GRB10: variants seen among roughly 807,000 people sequenced by gnomAD.
The protein encoded by GRB10 is growth factor receptor bound protein 10, also known as growth factor receptor-bound protein 10.
In GRB10, 20 loss-of-function variants were observed where a neutral mutation model predicts 80.9. That is an observed-to-expected ratio of 0.25 (90% CI 0.17 to 0.36). GRB10 has a LOEUF of 0.36. Among genes scored for constraint, GRB10 ranks in the 10% least tolerant of loss-of-function variants. The probability of loss-of-function intolerance (pLI) is 1.00; values close to 1 mark genes in which losing one functional copy is unlikely to be tolerated. For synonymous variants in GRB10, 291 were observed against 291.5 expected, an observed-to-expected ratio of 1.00 and a Z score of 0.02; for missense variants, 548 against 747.7, an observed-to-expected ratio of 0.73 and a Z score of 3.12.
At chr7:50,637,796 C>T (rs1009006876) in intron 7 of GRB10, among the ~76,000 whole-genome samples, 1 of 150,418 alleles carries the variant, frequency 6.6e-6, no homozygotes, top group Non-Finnish European at 1.5e-5. Context: ...TATTACCTGA[C>T]TTCAAATTAC....
At chr7:50,728,878 C>A (rs2069123646) in intron 4 of GRB10, among the ~76,000 whole-genome samples, 2 of 152,162 alleles carry the variant, frequency 1.3e-5, no homozygotes, top group African/African-American at 4.8e-5. Flanking sequence ...CCCATGTTGG[C>A]CAAGCTGGTC....
At chr7:50,748,770 A>G (rs1435226311) in intron 3 of GRB10, among the ~76,000 whole-genome samples, 6 of 152,248 alleles carry the variant, frequency 3.9e-5, no homozygotes, top group Admixed American at 3.9e-4. Flanking sequence ...GTAAAGGGCA[A>G]TGATATCCAT....
intron 4 of GRB10, chr7:50,711,015 C>T: frequency 3.4e-6 from 3 of 885,940 alleles, no homozygotes; most frequent in East Asian, 2.4e-5. Flanking sequence ...AGAAGGCACA[C>T]TTAATAACTC....
At chr7:50,742,647 C>A (rs555666536) in intron 3 of GRB10, among the ~76,000 whole-genome samples, 1 of 151,238 alleles carries the variant, frequency 6.6e-6, no homozygotes, top group Non-Finnish European at 1.5e-5. Flanking sequence ...TACTGGACTG[C>A]ATATTACATC....
At chr7:50,676,335 C>CGG (rs3040026) in intron 5 of GRB10, among the ~76,000 whole-genome samples, 51 of 93,200 alleles carry the variant, frequency 5.5e-4, no homozygotes, top group African/African-American at 1.3e-3. Flanking sequence ...TCCACCCCAC[C>CGG]GGGGGGGGGG....
chr7:50,639,494 T>C lies in GRB10; in HGVS notation c.505-12516A>G, dbSNP rs552381071. On this transcript the variant is annotated intron_variant, in intron 7 of 18. Coordinates refer to ENST00000401949, the MANE Select transcript of GRB10 (RefSeq NM_001350814.2). ...ATCGAGATCATCCTGGCTAACACGG[T>C]GAAACCGTCTCTACTAAAAATACAA... is the stretch of plus-strand genomic sequence containing the variant. Among the ~76,000 whole-genome samples the C allele has an allele frequency of 3.9e-3, 515 of 132,516 alleles. 4 individuals are homozygous for C. The highest frequency in any genetic ancestry group is 0.015 in the South Asian group (63 of 4,260). 86.9% of individuals were successfully genotyped at this position (132,516 alleles called of 152,430 possible).
intron 3 of GRB10, among the ~76,000 whole-genome samples, chr7:50,746,761 C>G (rs1232403148): frequency 6.6e-6 from 1 of 152,144 alleles, no homozygotes; most frequent in Non-Finnish European, 1.5e-5. Flanking sequence ...CATATCACTT[C>G]AGGGCCTGCA....
chr7:50,674,739 G>C lies in GRB10; in HGVS notation c.140-81C>G. On this transcript the variant is annotated intron_variant, in intron 5 of 18. Transcript: ENST00000401949. ...ACCCAAATGTACATCTTGGTGATCAGGTTCCAAACCTCAATCCTATTTTTC... is the reference window on the plus strand; with the variant it reads ...ACCCAAATGTACATCTTGGTGATCACGTTCCAAACCTCAATCCTATTTTTC... 4.2e-6 allele frequency: 5 copies of C among 1,189,072 alleles called. No homozygotes were observed. In the South Asian group the frequency reaches 5.0e-5, roughly 12 times the overall value. The allele number at this position is 1,189,072 out of a possible 1,614,324, so 73.7% of individuals were successfully genotyped here.
In GRB10 at chr7:50,603,542, A is replaced by C. The variant is rs2047986419; in HGVS notation, c.1544+456T>G. 2.6e-5 allele frequency among the ~76,000 whole-genome samples: 4 copies of C among 152,228 alleles called. No individual in the cohort carries two copies. In the South Asian group the frequency reaches 8.3e-4, roughly 32 times the overall value. ...ATCCTGGACTGTCCAGCCCCAGCCAAGCTGGCCCAGGTGAGAAAGGCCACT... is the reference window on the plus strand; with the variant it reads ...ATCCTGGACTGTCCAGCCCCAGCCACGCTGGCCCAGGTGAGAAAGGCCACT... On this transcript the variant is annotated intron_variant, in intron 17 of 18. Transcript: ENST00000401949.
At chr7:50,605,440 G>A in intron 14 of GRB10, 34 bp from the exon 15 acceptor site, 1 of 1,522,670 alleles carries the variant, frequency 6.6e-7, no homozygotes, top group Non-Finnish European at 9.1e-7. Context: ...TTAAAATGCA[G>A]GGAAATAAGG....
At chr7:50,636,269 A>G (rs952989870) in intron 7 of GRB10, among the ~76,000 whole-genome samples, 2 of 152,150 alleles carry the variant, frequency 1.3e-5, no homozygotes, top group African/African-American at 4.8e-5. Context: ...GTGAGCCACC[A>G]TACCTGGCCC....
intron 5 of GRB10, among the ~76,000 whole-genome samples, chr7:50,675,451 T>C (rs953616557): frequency 2.0e-5 from 3 of 152,346 alleles, no homozygotes; most frequent in Admixed American, 1.3e-4. Context: ...AGCTAAACAC[T>C]AGACTAGATG....
chr7:50,768,955 A>G (rs1334200337), intron 2 of GRB10, among the ~76,000 whole-genome samples: 1 of 152,192 alleles, frequency 6.6e-6, no homozygotes, highest in Non-Finnish European at 1.5e-5. Context: ...AAAGGGAGAA[A>G]AGTGGAGCCC....
intron 7 of GRB10, among the ~76,000 whole-genome samples, chr7:50,659,529 C>A (rs2059007636): frequency 6.6e-6 from 1 of 152,242 alleles, no homozygotes; most frequent in Admixed American, 6.5e-5. Flanking sequence ...ACGCTCAAGG[C>A]TGGACGCAGG....
At chr7:50,617,641 T>C (rs976224278) in intron 10 of GRB10, among the ~76,000 whole-genome samples, 1 of 152,208 alleles carries the variant, frequency 6.6e-6, no homozygotes, top group Non-Finnish European at 1.5e-5. Flanking sequence ...TCTGTTGTGG[T>C]AACCCGATCA....
chr7:50,659,731 T>G (rs1471699103), intron 7 of GRB10, among the ~76,000 whole-genome samples: 1 of 152,192 alleles, frequency 6.6e-6, no homozygotes, highest in Non-Finnish European at 1.5e-5. Flanking sequence ...TACAGGACCA[T>G]AAGGTTAGAA....
At chr7:50,728,709 C>T (rs188318280) in intron 4 of GRB10, among the ~76,000 whole-genome samples, 3 of 152,296 alleles carry the variant, frequency 2.0e-5, no homozygotes, top group East Asian at 1.9e-4. Flanking sequence ...CTTGCTCTGT[C>T]GCCCAGGCTG....
At chr7:50,749,339 G>A (rs1401692377) in intron 3 of GRB10, among the ~76,000 whole-genome samples, 1 of 151,958 alleles carries the variant, frequency 6.6e-6, no homozygotes, top group Non-Finnish European at 1.5e-5. Context: ...ATGTTGGCCA[G>A]GCTGATCTCG....
chr7:50,784,312 G>T (rs1043763947), upstream of GRB10, among the ~76,000 whole-genome samples: 2 of 152,210 alleles, frequency 1.3e-5, no homozygotes, highest in African/African-American at 4.8e-5. Flanking sequence ...TACTGACTGG[G>T]AGAACTTGGC....
Sources: allele counts gnomAD v4.1 joint callset (sites outside exome capture counted in the v4.1 genomes callset), GRCh38; gene constraint gnomAD v4.1.1; transcripts MANE v1.5; gene names NCBI Gene and HGNC (gene_info 2026-07-23, HGNC 2026-07-21).